The following GNB1L variants were observed in gnomAD, a reference collection of about 807,000 sequenced individuals.
The protein encoded by GNB1L is guanine nucleotide-binding protein subunit beta-like protein 1.
Under a neutral mutation model 29.1 loss-of-function variants are expected in GNB1L, and 20 were observed. The ratio of observed to expected loss-of-function variants is 0.69; its 90% confidence interval spans 0.48 to 1.00. GNB1L has a LOEUF of 1.00. Among genes scored for constraint, GNB1L ranks in the 50% least tolerant of loss-of-function variants. GNB1L has a pLI of 0.00. For synonymous variants in GNB1L, 193 were observed against 206.5 expected, an observed-to-expected ratio of 0.93 and a Z score of 0.56; for missense variants, 421 against 464.9, an observed-to-expected ratio of 0.91 and a Z score of 0.87.
At chr22:19,846,819 C>A in intron 2 of GNB1L, 1 of 741,870 alleles carries the variant, frequency 1.3e-6, no homozygotes, top group Non-Finnish European at 1.6e-6. Context: ...CCTGCCCACA[C>A]CTTGATCTCA....
intron 6 of GNB1L, among the ~76,000 whole-genome samples, chr22:19,805,575 G>C (rs1270140489): frequency 6.6e-6 from 1 of 152,208 alleles, no homozygotes; most frequent in East Asian, 1.9e-4. Flanking sequence ...GAGGTCAGGA[G>C]ATGGAGACCA....
At chr22:19,810,035 T>C (rs1013781708) in intron 5 of GNB1L, among the ~76,000 whole-genome samples, 1 of 152,250 alleles carries the variant, frequency 6.6e-6, no homozygotes, top group Non-Finnish European at 1.5e-5. Context: ...GCTGGGACTA[T>C]GATTTCCTAC....
chr22:19,806,513 A>C, intron 6 of GNB1L, 146 bp downstream of exon 6: 1 of 605,116 alleles, frequency 1.7e-6, no homozygotes, highest in South Asian at 2.0e-5. Context: ...GGCCGTGGGG[A>C]CACTGAGGCA....
At chr22:19,791,400 T>C (rs961027731) in intron 7 of GNB1L, among the ~76,000 whole-genome samples, 1 of 152,226 alleles carries the variant, frequency 6.6e-6, no homozygotes, top group Non-Finnish European at 1.5e-5. Context: ...GGCAACTGTT[T>C]ACAGGCAGGG....
chr22:19,797,343 G>GA (rs1937318020), intron 7 of GNB1L, among the ~76,000 whole-genome samples: 1 of 151,504 alleles, frequency 6.6e-6, no homozygotes, highest in Non-Finnish European at 1.5e-5. Flanking sequence ...TCACACACGG[G>GA]AGGGGGGGTG....
At chr22:19,812,174 G>A in intron 5 of GNB1L, 111 bp downstream of exon 5, 1 of 1,160,934 alleles carries the variant, frequency 8.6e-7, no homozygotes, top group Middle Eastern at 2.0e-4. Context: ...CTGCCGGCAG[G>A]TGGGCGGCTC....
intron 2 of GNB1L, among the ~76,000 whole-genome samples, chr22:19,832,106 G>C (rs1409645454): frequency 6.6e-6 from 1 of 152,136 alleles, no homozygotes; most frequent in African/African-American, 2.4e-5. Context: ...GAGGTGGGAG[G>C]ATCACTTGAG....
At chr22:19,789,237 G>GTAT (rs1937224957) in intron 7 of GNB1L, among the ~76,000 whole-genome samples, 1 of 152,194 alleles carries the variant, frequency 6.6e-6, no homozygotes, top group South Asian at 2.1e-4. Flanking sequence ...GAGACAGGGA[G>GTAT]GTCCCAGCTG....
At chr22:19,852,088 C>T in intron 2 of GNB1L, 1 of 1,614,234 alleles carries the variant, frequency 6.2e-7, no homozygotes, top group Non-Finnish European at 8.5e-7. Context: ...TGGTCGTTCG[C>T]ACACACACGG....
In GNB1L at chr22:19,842,012, G is replaced by A. The variant is rs118014936; in HGVS notation, c.-21+12431C>T. 8.4e-3 allele frequency among the ~76,000 whole-genome samples: 1,273 copies of A among 152,354 alleles called. 4 individuals are homozygous for A. Among genetic ancestry groups the A allele is most frequent in the African/African-American group, 0.014 (599 of 41,578 alleles). ...CCTGAGGCAGGCACACAGGTGGCTG[G>A]TGAATGGGCTCCCTCCCACCTCCTG... On this transcript the variant is annotated intron_variant, in intron 2 of 7. Coordinates refer to ENST00000329517, the MANE Select transcript of GNB1L (RefSeq NM_053004.3).
At chr22:19,850,379 C>T (rs959764058) in intron 2 of GNB1L, 5 of 987,400 alleles carry the variant, frequency 5.1e-6, no homozygotes, top group Middle Eastern at 5.1e-4. Flanking sequence ...GTGCTGAATC[C>T]GCAATGCATG....
intron 7 of GNB1L, among the ~76,000 whole-genome samples, chr22:19,800,122 A>T (rs944286558): frequency 2.0e-5 from 3 of 152,240 alleles, no homozygotes; most frequent in Admixed American, 2.0e-4. Flanking sequence ...CCAATTCATT[A>T]ATACCTGGTC....
chr22:19,854,039 C>T (rs902289481), intron 2 of GNB1L, among the ~76,000 whole-genome samples: 3 of 152,208 alleles, frequency 2.0e-5, no homozygotes, highest in African/African-American at 7.2e-5. Context: ...CTTCCCTGCA[C>T]CAGCCAGCCA....
chr22:19,833,797 C>T (rs555028175), intron 2 of GNB1L, among the ~76,000 whole-genome samples: 110 of 151,866 alleles, frequency 7.2e-4, no homozygotes, highest in African/African-American at 2.6e-3. Flanking sequence ...AACTGGGAGG[C>T]GGAGGTTGCC....
At chr22:19,850,548 A>C in intron 2 of GNB1L, 3 of 1,101,540 alleles carry the variant, frequency 2.7e-6, no homozygotes, top group Non-Finnish European at 3.3e-6. Flanking sequence ...CTGCATCCAA[A>C]CCTTCCAGCT....
At chr22:19,808,228 C>A (rs1937459057) in intron 5 of GNB1L, among the ~76,000 whole-genome samples, 1 of 152,224 alleles carries the variant, frequency 6.6e-6, no homozygotes, top group African/African-American at 2.4e-5. Flanking sequence ...CATGCACACA[C>A]ACATGCATGG....
chr22:19,819,108 T>TC (rs1937557919), intron 4 of GNB1L, among the ~76,000 whole-genome samples: 1 of 152,204 alleles, frequency 6.6e-6, no homozygotes, highest in African/African-American at 2.4e-5. Flanking sequence ...CCCTCCCTGC[T>TC]CTGCTGCCAG....
intron 2 of GNB1L, among the ~76,000 whole-genome samples, chr22:19,838,378 T>C (rs2145894683): frequency 6.6e-6 from 1 of 152,298 alleles, no homozygotes; most frequent in South Asian, 2.1e-4. Flanking sequence ...GGCAATACTG[T>C]GGGGCAACTG....
chr22:19,823,322 C>T (rs528504657), intron 2 of GNB1L, among the ~76,000 whole-genome samples: 1 of 152,324 alleles, frequency 6.6e-6, no homozygotes, highest in East Asian at 1.9e-4. Context: ...CACACTGCTC[C>T]CAAGACCCAC....
Sources: allele counts gnomAD v4.1 joint callset (sites outside exome capture counted in the v4.1 genomes callset), GRCh38; gene constraint gnomAD v4.1.1; transcripts MANE v1.5; gene names NCBI Gene and HGNC (gene_info 2026-07-23, HGNC 2026-07-21).